Variants in COX7A2L observed in about 807,000 individuals in gnomAD.
COX7A2L encodes cytochrome c oxidase subunit 7A2 like.
A neutral mutation model predicts 14.2 loss-of-function variants in COX7A2L; 18 were observed. The ratio of observed to expected loss-of-function variants is 1.27; its 90% CI spans 0.88 to 1.88. The LOEUF (loss-of-function observed/expected upper bound fraction) is 1.88. COX7A2L is among the 40% of genes most tolerant of loss of function. The probability of loss-of-function intolerance (pLI) is 0.00; values close to 1 mark genes in which losing one functional copy is unlikely to be tolerated. For synonymous variants in COX7A2L, 65 were observed against 57.4 expected (o/e 1.13, Z -0.60); for missense variants, 179 against 138.8 (o/e 1.29, Z -1.46).
At chr2:42,364,540 G>C (rs538065266), upstream of COX7A2L, among the ~76,000 whole-genome samples, 1 of 152,216 alleles carries the variant, frequency 6.6e-6, no homozygotes, top group African/African-American at 2.4e-5. Context: ...GCAAAATGGA[G>C]TGCTAAACTC....
intron 1 of COX7A2L, among the ~76,000 whole-genome samples, chr2:42,355,775 G>C (rs1268007914): frequency 7.5e-6 from 1 of 133,836 alleles, no homozygotes; most frequent in African/African-American, 2.9e-5. Flanking sequence ...GCCCTGGCTG[G>C]AGTGCAGTGG....
chr2:42,345,637 C>G (rs1196205206), downstream of COX7A2L, among the ~76,000 whole-genome samples: 1 of 152,166 alleles, frequency 6.6e-6, no homozygotes, highest in Non-Finnish European at 1.5e-5. Flanking sequence ...AGTGAAAGAC[C>G]ATCATACAGG....
chr2:42,343,616 A>G (rs1211261627), intron 2 of COX7A2L, among the ~76,000 whole-genome samples: 2 of 152,160 alleles, frequency 1.3e-5, no homozygotes, highest in East Asian at 1.9e-4. Flanking sequence ...AACGTCAAAT[A>G]TATGTATTAA....
At position 42,353,312 on chromosome 2, in the gene COX7A2L, G is replaced by C; in HGVS notation, c.104C>G (p.Pro35Arg). ...AGTTGGTGTGGCAAATATGATAGGT[G>C]GTGCTTCTGTGGAAACCACAGGCTT... ...GLKPVVSTEAPPIIFATPTKL... is the reference protein window; with the variant it reads ...GLKPVVSTEARPIIFATPTKL... Residue 35 changes from proline (P) to arginine (R), a missense_variant, in exon 2 of 3, where the codon CCA (proline) becomes CGA (arginine). Pro to Arg is a moderately radical substitution (Grantham distance 103). Coordinates refer to ENST00000234301, the MANE Select transcript of COX7A2L (RefSeq NM_004718.4). 6.2e-7 allele frequency: 1 copy of C among 1,613,990 alleles called. No individual in the cohort carries two copies. The highest frequency in any genetic ancestry group is 8.5e-7 in the Non-Finnish European group (1 of 1,179,972).
chr2:42,359,611 G>T (rs988819404), intron 1 of COX7A2L: 2 of 151,860 alleles, frequency 1.3e-5, no homozygotes, highest in Non-Finnish European at 2.9e-5. Flanking sequence ...CTTCTCATCC[G>T]GACTATTCTT....
At chr2:42,335,928 G>A (rs1413189059) in intron 2 of COX7A2L, among the ~76,000 whole-genome samples, 3 of 152,196 alleles carry the variant, frequency 2.0e-5, no homozygotes, top group African/African-American at 4.8e-5. Context: ...TGGGGCAGAG[G>A]AACCGCTAGG....
chr2:42,347,636 C>T (rs577284409), downstream of COX7A2L, among the ~76,000 whole-genome samples: 40 of 152,168 alleles, frequency 2.6e-4, no homozygotes, highest in African/African-American at 3.6e-4. Context: ...AAAGAAAATG[C>T]GTTGGCCGGG....
At chr2:42,354,399 ATCC>A (rs1338052879) in intron 1 of COX7A2L, among the ~76,000 whole-genome samples, 3 of 152,172 alleles carry the variant, frequency 2.0e-5, no homozygotes, top group African/African-American at 4.8e-5. Context: ...GCCAATAAAA[ATCC>A]TCCTTTTATG....
chr2:42,366,247 T>C (rs1233152123), intron 1 of COX7A2L, among the ~76,000 whole-genome samples: 1 of 152,128 alleles, frequency 6.6e-6, no homozygotes, highest in Non-Finnish European at 1.5e-5. Flanking sequence ...CTGGGCAACA[T>C]GGTGAAACCC....
At chr2:42,356,133 G>A (rs1670811912) in intron 1 of COX7A2L, among the ~76,000 whole-genome samples, 1 of 152,154 alleles carries the variant, frequency 6.6e-6, no homozygotes, top group African/African-American at 2.4e-5. Flanking sequence ...CCCAGGCACA[G>A]CCATGTTCCC....
chr2:42,363,745 CT>C (rs1558638347), upstream of COX7A2L, among the ~76,000 whole-genome samples: 3 of 152,292 alleles, frequency 2.0e-5, no homozygotes, highest in African/African-American at 7.2e-5. Context: ...CAAAGACAAT[CT>C]TTTTTTATCA....
chr2:42,336,518 C>G (rs1047671962), intron 2 of COX7A2L, among the ~76,000 whole-genome samples: 2 of 152,116 alleles, frequency 1.3e-5, no homozygotes, highest in African/African-American at 4.8e-5. Flanking sequence ...GCCTGGTCAT[C>G]CCATCTCATG....
Position 42,338,368 on chromosome 2 carries a change from G to C in COX7A2L, c.193-4499C>G, listed in dbSNP as rs2103871784. ...ATTAATCAAATGGAAAGGAAGAGCA[G>C]AATTTCACTCTCTAGCAGAGCCCTC... On this transcript the variant is annotated intron_variant, in intron 2 of 2. Coordinates refer to the COX7A2L transcript ENST00000468711. The surrounding 1 kb of genome is among the most constrained non-coding windows in gnomAD (Gnocchi z 4.4). Among the ~76,000 whole-genome samples, 1 of 152,286 alleles carries C rather than the reference G, an allele frequency of 6.6e-6. No individual in the cohort carries two copies. Among genetic ancestry groups the C allele is most frequent in the Non-Finnish European group, 1.5e-5 (1 of 68,030 alleles).
At chr2:42,367,361 T>A (rs146368866) in intron 1 of COX7A2L, among the ~76,000 whole-genome samples, 1 of 152,166 alleles carries the variant, frequency 6.6e-6, no homozygotes, top group Admixed American at 6.5e-5. Context: ...GGTACCAGCG[T>A]GTGTCCACTA....
At chr2:42,365,185 A>G (rs998671245), upstream of COX7A2L, among the ~76,000 whole-genome samples, 6 of 152,230 alleles carry the variant, frequency 3.9e-5, no homozygotes, top group African/African-American at 1.4e-4. Flanking sequence ...GCATAGAATG[A>G]AAGAATTAGC....
Position 42,351,003 on chromosome 2 carries a change from A to G in COX7A2L, c.*216T>C, listed in dbSNP as rs3088290. 0.13 allele frequency: 61,297 copies of G among 467,414 alleles called. 4,224 individuals carry two copies. The highest frequency in any genetic ancestry group is 0.18 in the East Asian group (4,756 of 26,428). 29.0% of individuals were successfully genotyped at this position (467,414 alleles called of 1,614,324 possible). A position where few individuals can be genotyped will look rare whatever the true frequency, so the allele number is the denominator to read the frequency against. On this transcript the variant is annotated 3_prime_UTR_variant, in exon 3 of 3. Transcript: ENST00000234301. ...AATCAGGAGCACAAACACAGAGCAAAGCACCATTTCTTTAAACAATGGCTT... is the reference window on the plus strand; with the variant it reads ...AATCAGGAGCACAAACACAGAGCAAGGCACCATTTCTTTAAACAATGGCTT...
intron 2 of COX7A2L, among the ~76,000 whole-genome samples, chr2:42,337,667 C>T (rs1217788075): frequency 1.3e-5 from 2 of 152,132 alleles, no homozygotes; most frequent in African/African-American, 2.4e-5. Flanking sequence ...AACGTAAGAT[C>T]TCACCACTGG....
At chr2:42,358,894 G>T (rs896497322) in intron 1 of COX7A2L, among the ~76,000 whole-genome samples, 2 of 152,168 alleles carry the variant, frequency 1.3e-5, no homozygotes, top group African/African-American at 4.8e-5. Flanking sequence ...CACTCAGGGG[G>T]CTGAGGTGAC....
chr2:42,351,352 T>C lies in COX7A2L; in HGVS notation c.212A>G (p.Asp71Gly). ...PELQKFFQKA[D>G]GVPVYLKRGL... is the part of the protein sequence containing the mutation. The stretch of plus-strand genomic sequence containing the variant: ...TCGTTTCAGGTAGACGGGCACACCA[T>C]CAGCTTTCTTGAAAGCAAGAATTAA... The change falls in exon 3 of 3, where the codon GAT becomes GGT. Residue 71 changes from aspartate (D) to glycine (G), a missense_variant. Coordinates refer to ENST00000234301, the MANE Select transcript of COX7A2L (RefSeq NM_004718.4). 2 of 1,613,250 alleles carry C rather than the reference T, an allele frequency of 1.2e-6. No homozygotes were observed. The highest frequency in any genetic ancestry group is 8.5e-7 in the Non-Finnish European group (1 of 1,179,772).
Sources: gnomAD v4.1 joint callset for allele counts (sites outside exome capture counted in the v4.1 genomes callset) on GRCh38, gnomAD v4.1.1 for gene constraint, Gnocchi (gnomAD v3.1) non-coding constraint, MANE v1.5 for transcripts, NCBI Gene and HGNC (gene_info 2026-07-23, HGNC 2026-07-21) for gene names.